Variants in HCN1 observed in about 807,000 individuals in gnomAD.
The protein encoded by HCN1 is hyperpolarization activated cyclic nucleotide gated potassium channel 1.
A neutral mutation model predicts 78.9 loss-of-function variants in HCN1; 13 were observed. The ratio of observed to expected loss-of-function variants is 0.16; its 90% CI spans 0.11 to 0.26. The LOEUF (loss-of-function observed/expected upper bound fraction) is 0.26. Among genes scored for constraint, HCN1 ranks in the 10% least tolerant of loss-of-function variants. The probability of loss-of-function intolerance (pLI) is 1.00; values close to 1 mark genes in which losing one functional copy is unlikely to be tolerated. For missense variants in HCN1, 810 were observed against 1,154.3 expected, an observed-to-expected ratio of 0.70 and a Z score of 4.32; for synonymous variants, 552 against 455.5, an observed-to-expected ratio of 1.21 and a Z score of -2.70.
chr5:45,431,550 G>T (rs1740463480), intron 3 of HCN1, among the ~76,000 whole-genome samples: 1 of 152,010 alleles, frequency 6.6e-6, no homozygotes, highest in Non-Finnish European at 1.5e-5. Flanking sequence ...TATCTTCCAG[G>T]GTCTTTACAG....
intron 3 of HCN1, among the ~76,000 whole-genome samples, chr5:45,416,035 G>C (rs1206883253): frequency 6.6e-6 from 1 of 151,976 alleles, no homozygotes; most frequent in Non-Finnish European, 1.5e-5. Context: ...AACTATGGTT[G>C]AAATGTGAAC....
intron 2 of HCN1, among the ~76,000 whole-genome samples, chr5:45,463,178 T>C (rs969802412): frequency 2.6e-5 from 4 of 151,986 alleles, no homozygotes; most frequent in African/African-American, 9.7e-5. Flanking sequence ...AAAATACATT[T>C]GGTTTTAGAA....
chr5:45,672,694 AT>A (rs1746174897), intron 1 of HCN1, among the ~76,000 whole-genome samples: 1 of 151,458 alleles, frequency 6.6e-6, no homozygotes, highest in African/African-American at 2.4e-5. Flanking sequence ...TAAGAAAAAA[AT>A]GTTATGCAAA....
At chr5:45,373,271 T>A (rs1221081207) in intron 4 of HCN1, among the ~76,000 whole-genome samples, 2 of 114,646 alleles carry the variant, frequency 1.7e-5, no homozygotes, top group South Asian at 2.4e-4. Context: ...ATATATTATA[T>A]ATATTTTATA....
rs989848307 is a variant in HCN1, at chr5:45,261,292, T to A, written c.*629A>T. The A allele has an allele frequency of 7.9e-5, 12 of 152,624 alleles. No individual in the cohort carries two copies. Among genetic ancestry groups the A allele is most frequent in the Non-Finnish European group, 1.5e-4 (10 of 68,040 alleles). 9.5% of individuals were successfully genotyped at this position (152,624 alleles called of 1,614,324 possible). A position where few individuals can be genotyped will look rare whatever the true frequency, so the allele number is the denominator to read the frequency against. On this transcript the variant is annotated 3_prime_UTR_variant, in exon 8 of 8. Coordinates refer to ENST00000303230, the MANE Select transcript of HCN1 (RefSeq NM_021072.4). ...AATTTTCCCTCAGCTTTCTGAAAGA[T>A]CAATGAACATGTTTGAGGTTAGTGA...
At chr5:45,301,319 TA>T (rs1250959368) in intron 6 of HCN1, among the ~76,000 whole-genome samples, 3 of 151,512 alleles carry the variant, frequency 2.0e-5, no homozygotes, top group African/African-American at 4.8e-5. Context: ...GGGTTAATAC[TA>T]AAAAATGTAT....
At chr5:45,667,225 G>A (rs1746067350) in intron 1 of HCN1, among the ~76,000 whole-genome samples, 1 of 151,902 alleles carries the variant, frequency 6.6e-6, no homozygotes, top group Non-Finnish European at 1.5e-5. Context: ...AAGTCACCTA[G>A]TGGTTTCTCA....
chr5:45,432,375 C>A (rs1352416314), intron 3 of HCN1, among the ~76,000 whole-genome samples: 1 of 152,050 alleles, frequency 6.6e-6, no homozygotes, highest in Non-Finnish European at 1.5e-5. Flanking sequence ...ATTTTCTCTG[C>A]AAAGGGATAG....
chr5:45,306,208 G>GT (rs1745730744), intron 5 of HCN1, among the ~76,000 whole-genome samples: 1 of 151,996 alleles, frequency 6.6e-6, no homozygotes, highest in East Asian at 1.9e-4. Flanking sequence ...GAAAATAAGA[G>GT]TTTTCATATA....
At chr5:45,422,565 C>T (rs1370605656) in intron 3 of HCN1, among the ~76,000 whole-genome samples, 1 of 152,100 alleles carries the variant, frequency 6.6e-6, no homozygotes, top group East Asian at 1.9e-4. Flanking sequence ...AAGACACAAA[C>T]ATTTAGTCCA....
intron 6 of HCN1, among the ~76,000 whole-genome samples, chr5:45,281,293 C>T (rs528643338): frequency 7.2e-5 from 11 of 151,914 alleles, no homozygotes; most frequent in South Asian, 2.1e-4. Flanking sequence ...CTTGTTTAAA[C>T]GTGTGTATTA....
chr5:45,370,987 G>C (rs979277126), intron 4 of HCN1, among the ~76,000 whole-genome samples: 3 of 151,960 alleles, frequency 2.0e-5, no homozygotes, highest in African/African-American at 7.2e-5. Context: ...GCAAAGGAGA[G>C]GAGAAAAATA....
At chr5:45,584,100 C>T (rs553427011) in intron 2 of HCN1, among the ~76,000 whole-genome samples, 9 of 151,136 alleles carry the variant, frequency 6.0e-5, no homozygotes, top group South Asian at 2.1e-4. Flanking sequence ...CTTTCTGTCT[C>T]GTTGATCTGT....
chr5:45,435,915 C>T (rs1740553157), intron 3 of HCN1, among the ~76,000 whole-genome samples: 1 of 152,006 alleles, frequency 6.6e-6, no homozygotes, highest in Non-Finnish European at 1.5e-5. Flanking sequence ...AACAAGTGTC[C>T]AAGAGTGTGC....
At chr5:45,535,089 T>C (rs930565082) in intron 2 of HCN1, among the ~76,000 whole-genome samples, 2 of 152,106 alleles carry the variant, frequency 1.3e-5, no homozygotes, top group Non-Finnish European at 2.9e-5. Context: ...CCAAAAACAA[T>C]AGCAATATGC....
chr5:45,555,152 G>T (rs1045014244), intron 2 of HCN1, among the ~76,000 whole-genome samples: 15 of 151,686 alleles, frequency 9.9e-5, no homozygotes, highest in African/African-American at 3.6e-4. Context: ...GAAACCTAAA[G>T]ACTCCACCAA....
intron 5 of HCN1, among the ~76,000 whole-genome samples, chr5:45,306,004 T>C (rs1745727429): frequency 6.6e-6 from 1 of 151,992 alleles, no homozygotes; most frequent in African/African-American, 2.4e-5. Context: ...GTCTTCTGTA[T>C]TAAAAAATTT....
intron 1 of HCN1, among the ~76,000 whole-genome samples, chr5:45,668,693 C>A (rs1203927053): frequency 6.6e-6 from 1 of 151,856 alleles, no homozygotes; most frequent in South Asian, 2.1e-4. Flanking sequence ...TTTCTAAATT[C>A]TGACCTTTAT....
rs587777494 is a variant in HCN1, at chr5:45,461,967, C to T, written c.890G>A (p.Arg297Lys). 6.2e-7 allele frequency: 1 copy of T among 1,613,432 alleles called. No homozygotes were observed. Residue 297 changes from arginine to lysine, a missense_variant, in exon 3 of 8, where the codon AGA becomes AAA. Physicochemically the swap from Arg to Lys is conservative, Grantham distance 26. Transcript: ENST00000303230. ...MTYDLASAVV[R>K]IFNLIGMMLL... ...CATCATGCCGATGAGATTAAAAATT[C>T]TCACCACTGCACTGGCGAGATCATA...
Sources: gnomAD v4.1 joint callset for allele counts (sites outside exome capture counted in the v4.1 genomes callset) on GRCh38, gnomAD v4.1.1 for gene constraint, MANE v1.5 for transcripts, NCBI Gene and HGNC (gene_info 2026-07-23, HGNC 2026-07-21) for gene names.